EXOC4: variants seen among roughly 807,000 people sequenced by gnomAD.
EXOC4 encodes exocyst complex component 4.
In EXOC4, 71 loss-of-function variants were observed where a neutral mutation model predicts 107.2. That is an observed-to-expected ratio of 0.66 (90% CI 0.55 to 0.81). The LOEUF (loss-of-function observed/expected upper bound fraction) is 0.81, where lower values mean the gene tolerates loss of function less well. EXOC4 is among the 30% of genes least tolerant of loss of function. EXOC4 has a pLI of 0.00. For missense variants in EXOC4, 1,108 were observed against 1,189.6 expected, an observed-to-expected ratio of 0.93 and a Z score of 1.01; for synonymous variants, 456 against 441.2, an observed-to-expected ratio of 1.03 and a Z score of -0.42.
In EXOC4 at chr7:133,275,148, A is replaced by G. The variant is rs1284568143; in HGVS notation, c.253A>G (p.Asn85Asp). 1.9e-6 allele frequency: 3 copies of G among 1,599,498 alleles called. No homozygotes were observed. The highest frequency in any genetic ancestry group is 2.6e-6 in the Non-Finnish European group (3 of 1,172,198). ...TYQSITERIT[N>D]SRNKIKQVKE... is the part of the protein sequence containing the mutation. ...CCAGAGCATCACAGAGCGCATCACT[A>G]ACTCCCGAAATAAAATAAAGCAGGT... Residue 85 changes from asparagine to aspartate, a missense_variant, in exon 2 of 18, where the codon AAC (asparagine) becomes GAC (aspartate). Transcript: ENST00000253861.
chr7:133,778,501 T>C (rs997623993), intron 10 of EXOC4, among the ~76,000 whole-genome samples: 1 of 152,152 alleles, frequency 6.6e-6, no homozygotes, highest in Non-Finnish European at 1.5e-5. Context: ...GGAGGATGGC[T>C]TGGGCCCAGG....
chr7:133,629,470 A>G (rs1802534956), intron 9 of EXOC4, among the ~76,000 whole-genome samples: 1 of 152,108 alleles, frequency 6.6e-6, no homozygotes, highest in South Asian at 2.1e-4. Context: ...TAAATGTCGC[A>G]TTTATTCTTA....
intron 9 of EXOC4, among the ~76,000 whole-genome samples, chr7:133,538,651 T>C (rs1563100963): frequency 6.6e-6 from 1 of 151,768 alleles, no homozygotes; most frequent in Non-Finnish European, 1.5e-5. Context: ...CCTTTGTTTC[T>C]ACAAAAAATA....
At chr7:133,341,452 A>G (rs1298387260) in intron 5 of EXOC4, among the ~76,000 whole-genome samples, 1 of 152,322 alleles carries the variant, frequency 6.6e-6, no homozygotes, top group African/African-American at 2.4e-5. Context: ...GTGGCCTATC[A>G]TAAGGTCTGT....
At chr7:133,902,806 G>A (rs2116562248) in intron 12 of EXOC4, among the ~76,000 whole-genome samples, 1 of 151,784 alleles carries the variant, frequency 6.6e-6, no homozygotes, top group South Asian at 2.1e-4. Flanking sequence ...AGTGAGCCGA[G>A]ATTGCGCCAC....
intron 11 of EXOC4, among the ~76,000 whole-genome samples, chr7:133,834,897 TG>T (rs34713396): frequency 6.6e-6 from 1 of 152,040 alleles, no homozygotes; most frequent in African/African-American, 2.4e-5. Context: ...AATTATGGGT[TG>T]GGGGGGTCTT....
intron 11 of EXOC4, among the ~76,000 whole-genome samples, chr7:133,844,612 T>A (rs1475743807): frequency 6.6e-6 from 1 of 151,914 alleles, no homozygotes; most frequent in Admixed American, 6.6e-5. Context: ...ATGGTCTCGA[T>A]CTCTTGATCT....
At chr7:133,967,833 T>A (rs771310944) in intron 14 of EXOC4, among the ~76,000 whole-genome samples, 13 of 152,174 alleles carry the variant, frequency 8.5e-5, no homozygotes, top group Non-Finnish European at 1.9e-4. Context: ...GTTCTGTAGA[T>A]GTCTATTAGG....
chr7:133,489,748 T>A (rs1162669985), intron 9 of EXOC4, among the ~76,000 whole-genome samples: 8 of 152,144 alleles, frequency 5.3e-5, no homozygotes, highest in Admixed American at 2.6e-4. Context: ...CAGGATAAAA[T>A]AATGAACAGG....
chr7:133,591,555 TGTGTGTGTGTGTGC>T (rs941101578), intron 9 of EXOC4, among the ~76,000 whole-genome samples: 19 of 35,710 alleles, frequency 5.3e-4, no homozygotes, highest in Non-Finnish European at 7.6e-4. Context: ...CTGGTGTGTG[TGTGTGTGTGTGTGC>T]GTGTGTGTGT....
At chr7:133,290,865 G>GA (rs1794389272) in intron 3 of EXOC4, 1 of 152,090 alleles carries the variant, frequency 6.6e-6, no homozygotes, top group African/African-American at 2.4e-5. Flanking sequence ...TCTGCCAAAG[G>GA]AATAGGCATG....
chr7:133,655,987 G>T (rs925367518), intron 10 of EXOC4, among the ~76,000 whole-genome samples: 2 of 152,102 alleles, frequency 1.3e-5, no homozygotes, highest in Non-Finnish European at 2.9e-5. Context: ...CACAATACAT[G>T]AGTAATGCAT....
At chr7:133,577,133 C>T (rs1801150426) in intron 9 of EXOC4, among the ~76,000 whole-genome samples, 1 of 152,116 alleles carries the variant, frequency 6.6e-6, no homozygotes, top group Non-Finnish European at 1.5e-5. Context: ...AGGGCCGGAA[C>T]AGACTTTTAT....
chr7:133,644,032 C>CCT (rs1802928723), intron 10 of EXOC4, among the ~76,000 whole-genome samples: 1 of 152,170 alleles, frequency 6.6e-6, no homozygotes, highest in Admixed American at 6.5e-5. Context: ...GGGGACCCGG[C>CCT]CTCCCGTTCA....
intron 9 of EXOC4, among the ~76,000 whole-genome samples, chr7:133,488,251 A>G (rs1799306983): frequency 1.3e-5 from 2 of 152,258 alleles, no homozygotes; most frequent in South Asian, 4.1e-4. Flanking sequence ...AAAACAGTAG[A>G]TTTTAGTGCT....
At chr7:133,547,168 G>C (rs951957839) in intron 9 of EXOC4, among the ~76,000 whole-genome samples, 2 of 152,140 alleles carry the variant, frequency 1.3e-5, no homozygotes, top group Non-Finnish European at 2.9e-5. Flanking sequence ...TCACTATATA[G>C]CAAGCCACAT....
In EXOC4 at chr7:133,855,125, A is replaced by C. The variant is rs1240657182; in HGVS notation, c.1734+37581A>C. 1.9e-4 allele frequency among the ~76,000 whole-genome samples: 14 copies of C among 72,366 alleles called. No individual in the cohort carries two copies. The South Asian group carries it at 2.0e-3, about 10-fold the overall frequency. 47.5% of individuals were successfully genotyped at this position (72,366 alleles called of 152,430 possible). A position where few individuals can be genotyped will look rare whatever the true frequency, so the allele number is the denominator to read the frequency against. ...TATAAATATATATAAATATATATAT[A>C]TAAATATATATATATATAAATATAT... On this transcript the variant is annotated intron_variant, in intron 11 of 17. Transcript: ENST00000253861.
At chr7:133,572,047 A>C (rs1554473224) in intron 9 of EXOC4, among the ~76,000 whole-genome samples, 1 of 152,124 alleles carries the variant, frequency 6.6e-6, no homozygotes, top group Non-Finnish European at 1.5e-5. Flanking sequence ...AGGCACAGGG[A>C]TTTTCTTTGT....
chr7:133,800,316 A>G (rs901608178), intron 10 of EXOC4, among the ~76,000 whole-genome samples: 34 of 152,302 alleles, frequency 2.2e-4, no homozygotes, highest in African/African-American at 7.7e-4. Flanking sequence ...ATATCCTTCA[A>G]TCATTCTAAT....
Sources: allele counts gnomAD v4.1 joint callset (sites outside exome capture counted in the v4.1 genomes callset), GRCh38; gene constraint gnomAD v4.1.1; transcripts MANE v1.5; gene names NCBI Gene and HGNC (gene_info 2026-07-23, HGNC 2026-07-21).